The following LNP1 variants were observed in gnomAD, a reference collection of about 807,000 sequenced individuals.
LNP1 encodes the protein leukemia NUP98 fusion partner 1.
A neutral mutation model predicts 14.5 loss-of-function variants in LNP1; 12 were observed. The ratio of observed to expected loss-of-function variants is 0.83; its 90% CI spans 0.53 to 1.34. LNP1 has a LOEUF of 1.34. LNP1 is among the 40% of genes most tolerant of loss of function. The pLI is 0.00. For missense variants in LNP1, 198 were observed against 210.9 expected, an observed-to-expected ratio of 0.94 and a Z score of 0.38; for synonymous variants, 75 against 71.4, an observed-to-expected ratio of 1.05 and a Z score of -0.26.
At chr3:100,405,820 A>G (rs1706959750) in intron 1 of LNP1, among the ~76,000 whole-genome samples, 1 of 152,156 alleles carries the variant, frequency 6.6e-6, no homozygotes, top group Admixed American at 6.5e-5. Flanking sequence ...CTGCACCTTG[A>G]TATCAATTTA....
intron 2 of LNP1, among the ~76,000 whole-genome samples, chr3:100,433,188 G>T (rs1181931528): frequency 1.3e-5 from 2 of 152,044 alleles, no homozygotes; most frequent in African/African-American, 4.8e-5. Flanking sequence ...CATGCATTAG[G>T]TATTTGTCCT....
chr3:100,446,377 T>C (rs1576236407), intron 2 of LNP1, among the ~76,000 whole-genome samples: 1 of 152,212 alleles, frequency 6.6e-6, no homozygotes, highest in Non-Finnish European at 1.5e-5. Flanking sequence ...GAAATGGTGC[T>C]GGGAAAACTG....
At chr3:100,436,393 T>G (rs1164498148) in intron 2 of LNP1, among the ~76,000 whole-genome samples, 1 of 152,152 alleles carries the variant, frequency 6.6e-6, no homozygotes, top group African/African-American at 2.4e-5. Context: ...TGGAATCCCC[T>G]TGGTGAAGAG....
chr3:100,418,257 G>A (rs1308720645), intron 1 of LNP1, among the ~76,000 whole-genome samples: 1 of 148,878 alleles, frequency 6.7e-6, no homozygotes. Context: ...TTTAGCCAAC[G>A]ATGTTGGCCA....
At chr3:100,439,484 TG>T (rs899240782) in intron 2 of LNP1, among the ~76,000 whole-genome samples, 2 of 152,180 alleles carry the variant, frequency 1.3e-5, no homozygotes, top group African/African-American at 4.8e-5. Flanking sequence ...GCAGTGGATC[TG>T]CCCATGTGGT....
At chr3:100,427,335 A>G (rs920808171) in intron 1 of LNP1, among the ~76,000 whole-genome samples, 12 of 152,136 alleles carry the variant, frequency 7.9e-5, no homozygotes, top group African/African-American at 2.7e-4. Context: ...GCCAGGCTGC[A>G]CTTTTTAATC....
At chr3:100,423,493 A>T (rs1254802009) in intron 1 of LNP1, among the ~76,000 whole-genome samples, 3 of 152,090 alleles carry the variant, frequency 2.0e-5, no homozygotes, top group Non-Finnish European at 4.4e-5. Context: ...CCTCATCTCT[A>T]TAAAAATAAA....
intron 2 of LNP1, among the ~76,000 whole-genome samples, chr3:100,444,683 C>T (rs1035517003): frequency 5.3e-5 from 8 of 152,124 alleles, no homozygotes; most frequent in African/African-American, 1.4e-4. Context: ...AGTAATAACT[C>T]AAAGGATTTT....
chr3:100,442,545 G>T (rs115026630), intron 2 of LNP1, among the ~76,000 whole-genome samples: 1 of 152,168 alleles, frequency 6.6e-6, no homozygotes. Context: ...TGGGGAGGGG[G>T]CTTCCAGGTT....
intron 2 of LNP1, 40 bp from the exon 3 acceptor site, chr3:100,451,679 G>T: frequency 2.8e-6 from 2 of 705,524 alleles, no homozygotes; most frequent in Admixed American, 5.7e-5. Flanking sequence ...ACATTGCACA[G>T]TCCTTTTATA....
At chr3:100,420,641 T>A (rs554371839) in intron 1 of LNP1, among the ~76,000 whole-genome samples, 37 of 152,212 alleles carry the variant, frequency 2.4e-4, no homozygotes, top group African/African-American at 7.7e-4. Context: ...GGATTATGTG[T>A]TCTCTTAATG....
chr3:100,456,111 A>G lies in LNP1; in HGVS notation c.*185A>G. On this transcript the variant is annotated 3_prime_UTR_variant, in exon 4 of 4. Coordinates refer to ENST00000383693, the MANE Select transcript of LNP1 (RefSeq NM_001085451.2). ...TAGCTGCTCCAAGATGACTTGCATCATACCCCAATTACTGCTGGCATCTTA... is the reference window on the plus strand; with the variant it reads ...TAGCTGCTCCAAGATGACTTGCATCGTACCCCAATTACTGCTGGCATCTTA... The G allele has an allele frequency of 1.8e-6, 1 of 548,362 alleles. No individual in the cohort carries two copies. The highest frequency in any genetic ancestry group is 3.2e-6 in the Non-Finnish European group (1 of 311,352). 34.0% of individuals were successfully genotyped at this position (548,362 alleles called of 1,614,324 possible).
At chr3:100,452,458 C>A (rs548170608) in intron 3 of LNP1, among the ~76,000 whole-genome samples, 1 of 151,992 alleles carries the variant, frequency 6.6e-6, no homozygotes, top group Non-Finnish European at 1.5e-5. Context: ...GCTCCTGCCT[C>A]GGGGTCCCAA....
intron 2 of LNP1, among the ~76,000 whole-genome samples, chr3:100,431,775 T>C (rs1707243326): frequency 6.7e-6 from 1 of 149,428 alleles, no homozygotes; most frequent in African/African-American, 2.5e-5. Context: ...GGAGGATCAC[T>C]TGAACTAAGG....
chr3:100,450,657 A>G (rs1707429260), intron 2 of LNP1, among the ~76,000 whole-genome samples: 1 of 152,144 alleles, frequency 6.6e-6, no homozygotes, highest in Non-Finnish European at 1.5e-5. Context: ...TCTTAACTTT[A>G]GCCAAGACAA....
chr3:100,405,660 T>C (rs1706958406), intron 1 of LNP1, among the ~76,000 whole-genome samples: 1 of 152,204 alleles, frequency 6.6e-6, no homozygotes, highest in Admixed American at 6.5e-5. Flanking sequence ...CCTCATGATC[T>C]AATCACTTCC....
intron 2 of LNP1, among the ~76,000 whole-genome samples, chr3:100,440,024 G>A (rs533289625): frequency 6.6e-6 from 1 of 152,278 alleles, no homozygotes; most frequent in Admixed American, 6.5e-5. Context: ...CTGGAGGCTA[G>A]GAAGTCCAAG....
chr3:100,454,008 G>T, intron 3 of LNP1, among the ~76,000 whole-genome samples: 1 of 151,940 alleles, frequency 6.6e-6, no homozygotes, highest in East Asian at 1.9e-4. Flanking sequence ...TGTCTTTCAC[G>T]ACATTAGCTA....
chr3:100,414,278 G>A (rs1707059000), intron 1 of LNP1, among the ~76,000 whole-genome samples: 3 of 152,306 alleles, frequency 2.0e-5, no homozygotes. Flanking sequence ...CAGGTGCGGT[G>A]GCTCATGCCT....
Sources: gnomAD v4.1 joint callset for allele counts (sites outside exome capture counted in the v4.1 genomes callset) on GRCh38, gnomAD v4.1.1 for gene constraint, MANE v1.5 for transcripts, NCBI Gene and HGNC (gene_info 2026-07-23, HGNC 2026-07-21) for gene names.